The following SIPA1 variants were observed in gnomAD, a reference collection of about 807,000 sequenced individuals.
The protein encoded by SIPA1 is signal-induced proliferation-associated 1.
In SIPA1, 51 loss-of-function variants were observed where a neutral mutation model predicts 88.1. The observed-to-expected ratio is 0.58, with a 90% confidence interval of 0.46 to 0.73. The LOEUF (loss-of-function observed/expected upper bound fraction) is 0.73, where lower values mean the gene tolerates loss of function less well. Among genes scored for constraint, SIPA1 ranks in the 30% least tolerant of loss-of-function variants. The probability of loss-of-function intolerance (pLI) is 0.00; values close to 1 mark genes in which losing one functional copy is unlikely to be tolerated. For synonymous variants in SIPA1, 681 were observed against 664.8 expected (o/e 1.02, Z -0.37); for missense variants, 1,348 against 1,467.6 (o/e 0.92, Z 1.33).
chr11:65,649,798 C>T lies in SIPA1; in HGVS notation c.2679C>T (p.Asn893=). ...CCAGTGGCTCTGAGGACAAGGGCAA[C>T]CCGGCGCCGGAGCTGAGGGCCTCCT... ...GSPSGSEDKG[N]PAPELRASFL... is the part of the protein sequence containing the mutation. Residue 893 remains asparagine (N), a synonymous_variant, in exon 12 of 16, where the codon AAC becomes AAT. Transcript: ENST00000534313. 1 of 1,614,084 alleles carries T rather than the reference C, an allele frequency of 6.2e-7. No homozygotes were observed. The highest frequency in any genetic ancestry group is 8.5e-7 in the Non-Finnish European group (1 of 1,180,052).
In SIPA1 at chr11:65,640,858, C is replaced by A; in HGVS notation, c.-64C>A. 1 of 1,367,204 alleles carries A rather than the reference C, an allele frequency of 7.3e-7. No homozygotes were observed. Among genetic ancestry groups the A allele is most frequent in the Non-Finnish European group, 9.6e-7 (1 of 1,040,278 alleles). 84.7% of individuals were successfully genotyped at this position (1,367,204 alleles called of 1,614,324 possible). A position where few individuals can be genotyped will look rare whatever the true frequency, so the allele number is the denominator to read the frequency against. On this transcript the variant is annotated 5_prime_UTR_variant, in exon 2 of 16. It adds an upstream start codon to the 5' untranslated region. Transcript: ENST00000534313. ...CAGGAACTGCTGCCACAACCTCAGGCTGGGCACCAAACACCCGTGCCCGCC... is the reference window on the plus strand; with the variant it reads ...CAGGAACTGCTGCCACAACCTCAGGATGGGCACCAAACACCCGTGCCCGCC...
intron 1 of SIPA1, chr11:65,639,868 G>A (rs1293122032): frequency 1.3e-5 from 2 of 152,372 alleles, no homozygotes; most frequent in African/African-American, 4.8e-5. Flanking sequence ...CAGTGGGCAG[G>A]TGCAGCCCTG....
chr11:65,643,292 G>A (rs960233142), intron 4 of SIPA1, among the ~76,000 whole-genome samples: 3 of 152,134 alleles, frequency 2.0e-5, no homozygotes, highest in Admixed American at 1.3e-4. Flanking sequence ...TGCAGTTCCC[G>A]CATCATTCCT....
Position 65,646,156 on chromosome 11 carries a change from C to A in SIPA1, c.1264-65C>A. 6.4e-7 allele frequency: 1 copy of A among 1,573,554 alleles called. No individual in the cohort carries two copies. The highest frequency in any genetic ancestry group is 8.7e-7 in the Non-Finnish European group (1 of 1,152,898). On this transcript the variant is annotated intron_variant, in intron 6 of 15. Transcript: ENST00000534313. This position sits in a 1 kb window ranked among gnomAD's most constrained non-coding sequence, Gnocchi z 7.5. Reference sequence around the variant, plus strand: ...CCATTGGTGCCTTGGCTTTCTCCTGCCTGAATGAGGAGGGGTTTGGGGCAC... The same window carrying A: ...CCATTGGTGCCTTGGCTTTCTCCTGACTGAATGAGGAGGGGTTTGGGGCAC...
chr11:65,641,964 G>A (rs552084585), intron 2 of SIPA1, among the ~76,000 whole-genome samples: 1 of 152,214 alleles, frequency 6.6e-6, no homozygotes, highest in African/African-American at 2.4e-5. Context: ...CGGAGAGAGG[G>A]CTCCAGGACA....
chr11:65,641,495 G>A lies in SIPA1; in HGVS notation c.574G>A (p.Ala192Thr), dbSNP rs140259608. The change falls in exon 2 of 16, where the codon GCG becomes ACG. Residue 192 changes from alanine (A) to threonine (T), a missense_variant. By Grantham distance (58) the Ala-to-Thr change is moderately conservative. Coordinates refer to ENST00000534313, the MANE Select transcript of SIPA1 (RefSeq NM_006747.4). ...ACCTGTGCCCCCTGCACTGCCCAAC[G>A]CGGCCGTGTCCATCCTGGAGGAGCC... is the stretch of plus-strand genomic sequence containing the variant. The part of the protein sequence containing the change: ...SPPVPPALPN[A>T]AVSILEEPQN... The A allele has an allele frequency of 1.9e-5, 31 of 1,612,066 alleles. No individual in the cohort carries two copies. Among genetic ancestry groups the A allele is most frequent in the African/African-American group, 4.0e-5 (3 of 74,938 alleles).
At position 65,646,427 on chromosome 11, in the gene SIPA1, G is replaced by A. The variant is rs1856116934; in HGVS notation, c.1422-29G>A. The A allele has an allele frequency of 1.9e-6, 3 of 1,595,380 alleles. No individual in the cohort carries two copies. Among genetic ancestry groups the A allele is most frequent in the African/African-American group, 1.3e-5 (1 of 74,796 alleles). ...TCTCCCGTGGGCATGGAGTCCTGCC[G>A]CCCCTCACTAACGCCTCCCTCCCCG... On this transcript the variant is annotated intron_variant, in intron 7 of 15. Coordinates refer to ENST00000534313, the MANE Select transcript of SIPA1 (RefSeq NM_006747.4). This position sits in a 1 kb window ranked among gnomAD's most constrained non-coding sequence, Gnocchi z 7.5.
In SIPA1 at chr11:65,650,161, G is replaced by C. The variant is rs1206667732; in HGVS notation, c.2872G>C (p.Asp958His). 1.2e-6 allele frequency: 2 copies of C among 1,614,010 alleles called. No individual in the cohort carries two copies. Among genetic ancestry groups the C allele is most frequent in the Non-Finnish European group, 1.7e-6 (2 of 1,180,004 alleles). ...REGQPIPESG[D>H]PKGTPKSDAE... Reference sequence around the variant, plus strand: ...AGGACAGCCCATCCCAGAGAGTGGAGACCCTAAGGGAACTCCAAAATCTGA... The same window carrying C: ...AGGACAGCCCATCCCAGAGAGTGGACACCCTAAGGGAACTCCAAAATCTGA... The change falls in exon 14 of 16, where the codon GAC (aspartate) becomes CAC (histidine). Residue 958 changes from aspartate to histidine, a missense_variant. Physicochemically the swap from Asp to His is moderately conservative, Grantham distance 81 (BLOSUM62 -1). This residue lies in a region of SIPA1 where 615 missense variants were observed against 559.8 expected (regional missense o/e 1.10). Transcript: ENST00000534313.
intron 1 of SIPA1, among the ~76,000 whole-genome samples, chr11:65,639,507 G>C (rs780996130): frequency 1.3e-5 from 2 of 152,190 alleles, no homozygotes; most frequent in Non-Finnish European, 2.9e-5. Context: ...CTGGGGAGCC[G>C]ACTCTTGCTT....
intron 1 of SIPA1, chr11:65,639,294 AG>A (rs1164608195): frequency 6.6e-6 from 1 of 152,188 alleles, no homozygotes; most frequent in Non-Finnish European, 1.5e-5. Context: ...TTTTTAGTAG[AG>A]ACAGGGTTTC....
rs1856110900 is a variant in SIPA1, at chr11:65,646,253, T to C, written c.1296T>C (p.Ile432=). The stretch of plus-strand genomic sequence containing the variant: ...GGAAGCGCCACATTGGCAACGACAT[T>C]GTGACCATCGTGTTCCAGGAGCCTG... ...LLRKRHIGND[I]VTIVFQEPGS... is the part of the protein sequence containing the mutation. Residue 432 remains isoleucine, a synonymous_variant, in exon 7 of 16, where the codon ATT becomes ATC. Transcript: ENST00000534313. This position sits in a 1 kb window ranked among gnomAD's most constrained non-coding sequence, Gnocchi z 7.5. The C allele has an allele frequency of 6.2e-7, 1 of 1,613,980 alleles. No individual in the cohort carries two copies. Among genetic ancestry groups the C allele is most frequent in the Non-Finnish European group, 8.5e-7 (1 of 1,180,002 alleles).
intron 9 of SIPA1, among the ~76,000 whole-genome samples, chr11:65,648,248 C>T (rs1003735869): frequency 2.0e-5 from 3 of 152,138 alleles, no homozygotes; most frequent in Admixed American, 6.6e-5. Context: ...TAGCAGCCCC[C>T]ACTATCTTTT....
chr11:65,644,052 C>G (rs750595252), intron 4 of SIPA1, among the ~76,000 whole-genome samples: 1 of 152,002 alleles, frequency 6.6e-6, no homozygotes, highest in Non-Finnish European at 1.5e-5. Flanking sequence ...ATGTGGCTGA[C>G]TGGAAGGGGT....
intron 11 of SIPA1, 29 bp from the exon 12 acceptor site, chr11:65,649,728 C>T (rs1157403469): frequency 6.2e-7 from 1 of 1,614,076 alleles, no homozygotes; most frequent in Non-Finnish European, 8.5e-7. Flanking sequence ...GTGGGCATCA[C>T]TGAATCTGTA....
chr11:65,642,216 G>T lies in SIPA1; in HGVS notation c.680-34G>T. 1 of 1,546,158 alleles carries T rather than the reference G, an allele frequency of 6.5e-7. No homozygotes were observed. Among genetic ancestry groups the T allele is most frequent in the African/African-American group, 1.4e-5 (1 of 72,780 alleles). ...AGCGGGGGCGGGGCTGCCAGAGGGC[G>T]GGACCAATCGTTTTCTTCGGCGCGG... On this transcript the variant is annotated intron_variant, in intron 2 of 15. Coordinates refer to ENST00000534313, the MANE Select transcript of SIPA1 (RefSeq NM_006747.4). This position sits in a 1 kb window ranked among gnomAD's most constrained non-coding sequence, Gnocchi z 6.5.
chr11:65,644,223 A>T (rs1015284524), intron 4 of SIPA1, among the ~76,000 whole-genome samples: 3 of 151,060 alleles, frequency 2.0e-5, no homozygotes, highest in Admixed American at 1.3e-4. Context: ...TGGGGGTGTC[A>T]TCCTTGCTGC....
At chr11:65,648,437 A>C (rs1856181686) in intron 9 of SIPA1, among the ~76,000 whole-genome samples, 1 of 152,178 alleles carries the variant, frequency 6.6e-6, no homozygotes, top group Non-Finnish European at 1.5e-5. Flanking sequence ...TGAATAAATA[A>C]ATGTGCCTGT....
At chr11:65,648,084 G>T (rs1856172446) in intron 9 of SIPA1, among the ~76,000 whole-genome samples, 1 of 151,986 alleles carries the variant, frequency 6.6e-6, no homozygotes, top group Admixed American at 6.6e-5. Context: ...AGTTGGCCAG[G>T]CTGGTCTCGA....
chr11:65,639,705 C>T (rs916772662), intron 1 of SIPA1, among the ~76,000 whole-genome samples: 2 of 152,232 alleles, frequency 1.3e-5, no homozygotes, highest in Non-Finnish European at 2.9e-5. Flanking sequence ...TGTGGCTTCC[C>T]TCAAGTTCTC....
Sources: gnomAD v4.1 joint callset for allele counts (sites outside exome capture counted in the v4.1 genomes callset) on GRCh38, gnomAD v4.1.1 for gene constraint, gnomAD v4.1.1 regional missense constraint, Gnocchi (gnomAD v3.1) non-coding constraint, MANE v1.5 for transcripts, NCBI Gene and HGNC (gene_info 2026-07-23, HGNC 2026-07-21) for gene names.